CCDC82: variants seen among roughly 807,000 people sequenced by gnomAD.
The protein encoded by CCDC82 is coiled-coil domain-containing protein 82.
In CCDC82, 47 loss-of-function variants were observed where a neutral mutation model predicts 60.6. The observed-to-expected ratio is 0.77, with a 90% CI of 0.61 to 0.99. The LOEUF (loss-of-function observed/expected upper bound fraction) is 0.99. Among genes scored for constraint, CCDC82 ranks in the 50% least tolerant of loss-of-function variants. The pLI, the probability that CCDC82 is intolerant of heterozygous loss-of-function variation, is 0.00. For synonymous variants in CCDC82, 212 were observed against 207.4 expected (o/e 1.02, Z -0.19); for missense variants, 588 against 633.0 (o/e 0.93, Z 0.76).
At chr11:96,377,548 G>C (rs1273817767) in intron 5 of CCDC82, among the ~76,000 whole-genome samples, 3 of 152,044 alleles carry the variant, frequency 2.0e-5, no homozygotes, top group Non-Finnish European at 4.4e-5. Context: ...GTCATGTAAA[G>C]GACGTATGTT....
rs1386036346 is a variant in CCDC82, at chr11:96,353,546, T to C, written c.*100A>G. The C allele has an allele frequency of 7.7e-6, 7 of 910,138 alleles. No homozygotes were observed. Among genetic ancestry groups the C allele is most frequent in the African/African-American group, 1.7e-5 (1 of 60,114 alleles). 56.4% of individuals were successfully genotyped at this position (910,138 alleles called of 1,614,324 possible). On this transcript the variant is annotated 3_prime_UTR_variant, in exon 10 of 10. Coordinates refer to ENST00000646818, the MANE Select transcript of CCDC82 (RefSeq NM_024725.4). ...TAAACAAAATATTTTGCCATGAAGA[T>C]ATAGATAAAATGTACAAACATGTCA...
At chr11:96,362,189 T>C (rs768268870) in intron 8 of CCDC82, among the ~76,000 whole-genome samples, 17 of 152,214 alleles carry the variant, frequency 1.1e-4, no homozygotes, top group Non-Finnish European at 1.9e-4. Flanking sequence ...TAATGAAACA[T>C]GTACCAGGCA....
At chr11:96,358,386 C>A (rs1240830188) in intron 9 of CCDC82, 2 of 1,223,650 alleles carry the variant, frequency 1.6e-6, no homozygotes, top group Non-Finnish European at 2.0e-6. Context: ...GTGCACTCTT[C>A]AAAACCCCCA....
chr11:96,373,456 C>A lies in CCDC82; in HGVS notation c.1003G>T (p.Asp335Tyr). ...ACTCTTTCAAAATGAGTATAGTGGT[C>A]ACTAAAAGAATCTGAAATTAATTTC... ...VKQNSLYSFS[D>Y]HYTHFERVVK... The change falls in exon 6 of 10, where the codon GAC becomes TAC. Residue 335 changes from aspartate (D) to tyrosine (Y), a missense_variant. Coordinates refer to ENST00000646818, the MANE Select transcript of CCDC82 (RefSeq NM_024725.4). 1.9e-6 allele frequency: 3 copies of A among 1,587,020 alleles called. No individual in the cohort carries two copies. Among genetic ancestry groups the A allele is most frequent in the South Asian group, 2.3e-5 (2 of 88,288 alleles).
chr11:96,382,649 A>G (rs1248297348), intron 5 of CCDC82: 1 of 151,920 alleles, frequency 6.6e-6, no homozygotes, highest in Non-Finnish European at 1.5e-5. Context: ...ATTCCATATT[A>G]TCTTTAAGAA....
At chr11:96,359,252 GT>G (rs1335349897) in intron 8 of CCDC82, 74 bp from the exon 9 acceptor site, 19 of 1,221,812 alleles carry the variant, frequency 1.6e-5, no homozygotes, top group Non-Finnish European at 2.0e-5. Context: ...TTCTTTAGTA[GT>G]AGAATCAAAA....
chr11:96,382,794 AAAC>A (rs1399537793), intron 5 of CCDC82: 2 of 152,144 alleles, frequency 1.3e-5, no homozygotes, highest in Non-Finnish European at 2.9e-5. Context: ...ACTTCAACCA[AAAC>A]AACATGTCAC....
At chr11:96,377,291 T>A (rs553931392) in intron 5 of CCDC82, among the ~76,000 whole-genome samples, 1 of 152,300 alleles carries the variant, frequency 6.6e-6, no homozygotes, top group African/African-American at 2.4e-5. Context: ...AGTATTTATA[T>A]CCCTTCTCTT....
intron 7 of CCDC82, among the ~76,000 whole-genome samples, chr11:96,368,862 T>A (rs1223270257): frequency 1.4e-4 from 2 of 13,820 alleles, no homozygotes; most frequent in African/African-American, 3.3e-4. Context: ...AGAGACTCCG[T>A]CTCAAAAAAA....
chr11:96,353,403 T>C lies in CCDC82; in HGVS notation c.*243A>G, dbSNP rs1864180234. On this transcript the variant is annotated 3_prime_UTR_variant, in exon 10 of 10. Transcript: ENST00000646818. ...GTCATCTGTTATAAAGCCATTATTA[T>C]ATAACTTTAAAATATATTTACAGAC... The C allele has an allele frequency of 2.5e-6, 1 of 392,288 alleles. No homozygotes were observed. The highest frequency in any genetic ancestry group is 4.6e-6 in the Non-Finnish European group (1 of 218,858). 24.3% of individuals were successfully genotyped at this position (392,288 alleles called of 1,614,324 possible). A position where few individuals can be genotyped will look rare whatever the true frequency, so the allele number is the denominator to read the frequency against.
At chr11:96,362,709 A>C (rs1385851212) in intron 8 of CCDC82, among the ~76,000 whole-genome samples, 4 of 152,124 alleles carry the variant, frequency 2.6e-5, no homozygotes, top group Non-Finnish European at 5.9e-5. Flanking sequence ...GCTGTAACCA[A>C]AATTACTCTT....
At chr11:96,373,494 G>A (rs528293478) in intron 5 of CCDC82, 27 bp from the exon 6 acceptor site, 1 of 1,359,440 alleles carries the variant, frequency 7.4e-7, no homozygotes, top group Non-Finnish European at 1.0e-6. Context: ...ATAAATATTA[G>A]AACAGAGCAG....
intron 8 of CCDC82, chr11:96,363,954 T>C (rs903020377): frequency 6.6e-6 from 1 of 152,144 alleles, no homozygotes; most frequent in Admixed American, 6.5e-5. Context: ...ATGCTTTCAG[T>C]TTATTGTTTT....
In CCDC82 at chr11:96,357,176, GA is replaced by G. The variant is rs1864390698; in HGVS notation, c.1566+1816del. 5 of 985,292 alleles carry G rather than the reference GA, an allele frequency of 5.1e-6. No individual in the cohort carries two copies. In the South Asian group the frequency reaches 2.3e-4, roughly 46 times the overall value. The allele number at this position is 985,292 out of a possible 1,614,324, so 61.0% of individuals were successfully genotyped here. On this transcript the variant is annotated intron_variant, in intron 9 of 9. Coordinates refer to ENST00000646818, the MANE Select transcript of CCDC82 (RefSeq NM_024725.4). ...AATGTCAGAGCACGTGACAAATTTT[GA>G]AATTTCATTACAGCACAAAAAGCTG... is the stretch of plus-strand genomic sequence containing the variant.
In CCDC82 at chr11:96,359,080, T is replaced by G. The variant is rs1312597414; in HGVS notation, c.1479A>C (p.Ala493=). Residue 493 remains alanine (A), a synonymous_variant, in exon 9 of 10, where the codon GCA becomes GCC. Coordinates refer to ENST00000646818, the MANE Select transcript of CCDC82 (RefSeq NM_024725.4). ...GTTCATCTTCAACTTCTTCTGTCAT[T>G]GCAATGGTGCAACATTCCTGGTATA... ...FKLYQECCTI[A]MTEEVEDEQV... 1 of 1,607,380 alleles carries G rather than the reference T, an allele frequency of 6.2e-7. No homozygotes were observed. The highest frequency in any genetic ancestry group is 8.5e-7 in the Non-Finnish European group (1 of 1,178,366).
intron 2 of CCDC82, 27 bp from the exon 3 acceptor site, chr11:96,386,320 G>C (rs768253432): frequency 2.0e-5 from 3 of 152,270 alleles, no homozygotes; most frequent in Non-Finnish European, 4.4e-5. Flanking sequence ...AGAGGATACA[G>C]CTCATTTAAT....
intron 5 of CCDC82, chr11:96,382,583 C>A (rs1865935511): frequency 1.3e-5 from 2 of 151,780 alleles, no homozygotes; most frequent in Admixed American, 6.6e-5. Context: ...ATTTAAACTG[C>A]ACGACAGACC....
chr11:96,360,207 G>GT (rs59315465), intron 8 of CCDC82, among the ~76,000 whole-genome samples: 26 of 138,678 alleles, frequency 1.9e-4, no homozygotes, highest in Admixed American at 4.4e-4. Flanking sequence ...TATTTTTTTT[G>GT]TTTTTTTTTT....
In CCDC82 at chr11:96,353,670, A is replaced by G. The variant is rs371916955; in HGVS notation, c.1611T>C (p.Phe537=). 6.2e-6 allele frequency: 10 copies of G among 1,610,644 alleles called. No homozygotes were observed. In the East Asian group the frequency reaches 8.9e-5, roughly 14 times the overall value. The change falls in exon 10 of 10, where the codon TTT becomes TTC. Residue 537 remains phenylalanine (F), a synonymous_variant. Coordinates refer to ENST00000646818, the MANE Select transcript of CCDC82 (RefSeq NM_024725.4). ...GTTACAACTCAAACTTCTCTTCTTGAAAGTAATCCGCAAAATTGAGATATT... is the reference window on the plus strand; with the variant it reads ...GTTACAACTCAAACTTCTCTTCTTGGAAGTAATCCGCAAAATTGAGATATT... ...LEEYLNFADY[F]QEEKFEL
Sources: allele counts gnomAD v4.1 joint callset (sites outside exome capture counted in the v4.1 genomes callset), GRCh38; gene constraint gnomAD v4.1.1; transcripts MANE v1.5; gene names NCBI Gene and HGNC (gene_info 2026-07-23, HGNC 2026-07-21).